CPNE4: variants seen among roughly 807,000 people sequenced by gnomAD.
CPNE4 encodes the protein copine 4.
A neutral mutation model predicts 67.9 loss-of-function variants in CPNE4; 25 were observed. The ratio of observed to expected loss-of-function variants is 0.37; its 90% CI spans 0.27 to 0.51. The LOEUF (loss-of-function observed/expected upper bound fraction) is 0.51. Among genes scored for constraint, CPNE4 ranks in the 20% least tolerant of loss-of-function variants. The probability of loss-of-function intolerance (pLI) is 0.93; values close to 1 mark genes in which losing one functional copy is unlikely to be tolerated. For missense variants in CPNE4, 464 were observed against 690.8 expected, an observed-to-expected ratio of 0.67 and a Z score of 3.68; for synonymous variants, 242 against 244.9, an observed-to-expected ratio of 0.99 and a Z score of 0.11.
intron 2 of CPNE4, among the ~76,000 whole-genome samples, chr3:131,878,743 C>G (rs2107712021): frequency 6.6e-6 from 1 of 152,238 alleles, no homozygotes; most frequent in South Asian, 2.1e-4. Flanking sequence ...ATAAGATATT[C>G]CATTAAGAAT....
intron 3 of CPNE4, among the ~76,000 whole-genome samples, chr3:131,713,665 T>C (rs1455395627): frequency 1.3e-5 from 2 of 152,052 alleles, no homozygotes; most frequent in Admixed American, 6.6e-5. Flanking sequence ...GATCAAGACA[T>C]AGGACTCATG....
intron 2 of CPNE4, among the ~76,000 whole-genome samples, chr3:131,750,768 G>A (rs568134996): frequency 2.6e-5 from 4 of 151,638 alleles, no homozygotes; most frequent in African/African-American, 7.3e-5. Context: ...TTGATGCTCC[G>A]ATGTTCTTTT....
chr3:131,605,948 C>T (rs1939475390), intron 7 of CPNE4, among the ~76,000 whole-genome samples: 1 of 152,064 alleles, frequency 6.6e-6, no homozygotes, highest in Non-Finnish European at 1.5e-5. Context: ...TAATAAGTAC[C>T]ATAAGTCTCT....
At chr3:131,890,502 T>C (rs576375690) in intron 2 of CPNE4, among the ~76,000 whole-genome samples, 11 of 151,646 alleles carry the variant, frequency 7.3e-5, no homozygotes, top group African/African-American at 2.7e-4. Context: ...GGTGGGAATA[T>C]AAAACGCTGC....
chr3:131,609,444 C>A (rs1022884245), intron 7 of CPNE4, among the ~76,000 whole-genome samples: 5 of 152,138 alleles, frequency 3.3e-5, no homozygotes, highest in Admixed American at 3.3e-4. Context: ...TCTCTCCATT[C>A]TCTTTTCCTA....
At chr3:131,603,990 A>G (rs1270435506) in intron 7 of CPNE4, among the ~76,000 whole-genome samples, 1 of 152,146 alleles carries the variant, frequency 6.6e-6, no homozygotes, top group African/African-American at 2.4e-5. Flanking sequence ...CTAAGGATTT[A>G]CCTTTTCTTT....
intron 2 of CPNE4, among the ~76,000 whole-genome samples, chr3:131,769,193 G>C (rs145713135): frequency 0.011 from 1,688 of 152,194 alleles, 27 homozygotes; most frequent in African/African-American, 0.039. Flanking sequence ...TTCATCAGAG[G>C]GCAAGCTCAG....
chr3:131,882,417 G>A (rs9839587), intron 2 of CPNE4, among the ~76,000 whole-genome samples: 1 of 151,946 alleles, frequency 6.6e-6, no homozygotes, highest in East Asian at 1.9e-4. Context: ...AAACTATAAA[G>A]ATTTAAAATA....
At chr3:131,705,242 A>G (rs1357737175) in intron 3 of CPNE4, among the ~76,000 whole-genome samples, 1 of 152,104 alleles carries the variant, frequency 6.6e-6, no homozygotes, top group Non-Finnish European at 1.5e-5. Flanking sequence ...CACATTGTAT[A>G]CCACTCCCCC....
chr3:131,664,478 A>C (rs1387373101), intron 7 of CPNE4, among the ~76,000 whole-genome samples: 1 of 152,316 alleles, frequency 6.6e-6, no homozygotes, highest in Admixed American at 6.5e-5. Context: ...AGTTTTATTG[A>C]GAGACTTTCC....
chr3:131,556,761 G>GA (rs1936478700), intron 11 of CPNE4, among the ~76,000 whole-genome samples: 1 of 152,052 alleles, frequency 6.6e-6, no homozygotes, highest in African/African-American at 2.4e-5. Context: ...TATGCACACT[G>GA]GAGTTTCTCT....
intron 2 of CPNE4, among the ~76,000 whole-genome samples, chr3:131,884,410 G>A: frequency 6.6e-6 from 1 of 152,196 alleles, no homozygotes; most frequent in East Asian, 1.9e-4. Flanking sequence ...GGAGATGCTT[G>A]TTTAGAAGTA....
chr3:131,863,177 A>G (rs567899275), intron 2 of CPNE4, among the ~76,000 whole-genome samples: 1 of 152,204 alleles, frequency 6.6e-6, no homozygotes, highest in Non-Finnish European at 1.5e-5. Context: ...ATACGTGTGC[A>G]TGTGTCTTTA....
At chr3:131,676,072 T>TA (rs1231966868) in intron 6 of CPNE4, among the ~76,000 whole-genome samples, 4 of 145,322 alleles carry the variant, frequency 2.8e-5, no homozygotes, top group South Asian at 4.4e-4. Flanking sequence ...TTATTATTAT[T>TA]TGAGATGGAG....
chr3:131,985,615 TA>T (rs2073023288), intron 1 of CPNE4, among the ~76,000 whole-genome samples: 2 of 152,200 alleles, frequency 1.3e-5, no homozygotes, highest in South Asian at 4.1e-4. Flanking sequence ...CTGAGAATCA[TA>T]AGTTCTTTTT....
intron 1 of CPNE4, among the ~76,000 whole-genome samples, chr3:132,005,094 G>A (rs905064535): frequency 6.6e-6 from 1 of 151,778 alleles, no homozygotes; most frequent in Non-Finnish European, 1.5e-5. Flanking sequence ...AACAGAAACA[G>A]CACCCAGTTG....
intron 2 of CPNE4, among the ~76,000 whole-genome samples, chr3:131,799,596 T>C (rs2084017701): frequency 6.6e-6 from 1 of 152,200 alleles, no homozygotes; most frequent in African/African-American, 2.4e-5. Flanking sequence ...TTTCACGACC[T>C]CCTCCCTTTC....
intron 7 of CPNE4, among the ~76,000 whole-genome samples, chr3:131,616,301 T>C (rs953055327): frequency 3.3e-5 from 5 of 152,202 alleles, no homozygotes; most frequent in Admixed American, 3.3e-4. Context: ...AATGCGAACC[T>C]CTGCTGCCTA....
chr3:131,664,865 T>C lies in CPNE4; in HGVS notation c.681+4810A>G, dbSNP rs1265122715. Among the ~76,000 whole-genome samples, 12 of 152,310 alleles carry C rather than the reference T, an allele frequency of 7.9e-5. 2 individuals carry two copies. The highest frequency in any genetic ancestry group is 5.2e-4 in the Admixed American group (8 of 15,286). On this transcript the variant is annotated intron_variant, in intron 7 of 15. Coordinates refer to ENST00000429747, the MANE Select transcript of CPNE4 (RefSeq NM_130808.3). ...AGAATATGGCATGTCTAGGATGCCA[T>C]AGAAAGTAGTAGTGTAATGCCTTTA... is the stretch of plus-strand genomic sequence containing the variant.
Sources: gnomAD v4.1 joint callset for allele counts (sites outside exome capture counted in the v4.1 genomes callset) on GRCh38, gnomAD v4.1.1 for gene constraint, MANE v1.5 for transcripts, NCBI Gene and HGNC (gene_info 2026-07-23, HGNC 2026-07-21) for gene names.